The following DPY19L1 variants were observed in gnomAD, a reference collection of about 807,000 sequenced individuals.
DPY19L1 encodes the protein dpy-19 like C-mannosyltransferase 1, also known as protein C-mannosyl-transferase DPY19L1.
In DPY19L1, 35 loss-of-function variants were observed where a neutral mutation model predicts 96.9. That is an observed-to-expected ratio of 0.36 (90% CI 0.28 to 0.48). The LOEUF is 0.48. DPY19L1 is among the 20% of genes least tolerant of loss of function. The pLI is 0.99. For missense variants in DPY19L1, 521 were observed against 777.9 expected, an observed-to-expected ratio of 0.67 and a Z score of 3.93; for synonymous variants, 205 against 252.6, an observed-to-expected ratio of 0.81 and a Z score of 1.79.
intron 1 of DPY19L1, among the ~76,000 whole-genome samples, 187 bp downstream of exon 1, chr7:35,036,910 G>C (rs1044949072): frequency 7.2e-5 from 11 of 151,880 alleles, no homozygotes; most frequent in Admixed American, 3.3e-4. Context: ...AGGGAGTTGC[G>C]GGGAGGAGAA....
chr7:35,017,697 A>T (rs968060397), intron 3 of DPY19L1, among the ~76,000 whole-genome samples, 185 bp downstream of exon 3: 5 of 151,816 alleles, frequency 3.3e-5, no homozygotes, highest in Admixed American at 3.3e-4. Flanking sequence ...AAATAAAAAT[A>T]AAAAATAAAA....
rs189366944 is a variant in DPY19L1, at chr7:35,034,887, A to G, written c.298+2210T>C. ...CCAAACAGCTATTTTAAAGTCCCAC[A>G]TTGAAATACTGTATAATGTCAGCTC... On this transcript the variant is annotated intron_variant, in intron 1 of 21. Transcript: ENST00000638088. 2.6e-3 allele frequency among the ~76,000 whole-genome samples: 398 copies of G among 152,352 alleles called. 6 individuals carry two copies. The highest frequency in any genetic ancestry group is 7.3e-4 in the Non-Finnish European group (50 of 68,030).
In DPY19L1 at chr7:34,941,782, G is replaced by A. The variant is rs1476355838; in HGVS notation, c.1672C>T (p.Leu558=). 2.5e-6 allele frequency: 4 copies of A among 1,599,960 alleles called. No individual in the cohort carries two copies. The highest frequency in any genetic ancestry group is 3.4e-6 in the Non-Finnish European group (4 of 1,176,546). ...CATGTTACCTGTCTTGAGCAGATCA[G>A]TGATGCCATAACACACATGTGTGGT... ...LTPHMCVMAS[L]ICSRQLFGWL... is the part of the protein sequence containing the mutation. Residue 558 remains leucine, a synonymous_variant, in exon 18 of 22, where the codon CTG becomes TTG. Coordinates refer to ENST00000638088, the MANE Select transcript of DPY19L1 (RefSeq NM_001366673.1).
At chr7:34,951,635 T>C (rs1784268102) in intron 13 of DPY19L1, among the ~76,000 whole-genome samples, 1 of 151,826 alleles carries the variant, frequency 6.6e-6, no homozygotes, top group Non-Finnish European at 1.5e-5. Context: ...GTATTTCCCT[T>C]GGGCATCAGA....
intron 11 of DPY19L1, among the ~76,000 whole-genome samples, chr7:34,957,726 G>C (rs1374054723): frequency 6.6e-6 from 1 of 152,112 alleles, no homozygotes; most frequent in African/African-American, 2.4e-5. Flanking sequence ...TCAAAAAGTG[G>C]AGCAGGAGTA....
rs1784130363 is a variant in DPY19L1, at chr7:34,945,697, C to A, written c.1514G>T (p.Gly505Val). ...IVRKIISDMW[G>V]VLAKQQTHVR... ...ATGTGTCTGTTGTTTAGCTAAGACA[C>A]CCCACATATCACTAATAATCTGTAA... is the stretch of plus-strand genomic sequence containing the variant. Residue 505 changes from glycine to valine, a missense_variant, in exon 16 of 22, where the codon GGT (glycine) becomes GTT (valine). Gly to Val is a moderately radical substitution (Grantham distance 109). Coordinates refer to ENST00000638088, the MANE Select transcript of DPY19L1 (RefSeq NM_001366673.1). The A allele has an allele frequency of 6.2e-7, 1 of 1,601,048 alleles. No individual in the cohort carries two copies. Among genetic ancestry groups the A allele is most frequent in the Non-Finnish European group, 8.5e-7 (1 of 1,173,372 alleles).
At chr7:34,953,372 T>C (rs1417627564) in intron 13 of DPY19L1, among the ~76,000 whole-genome samples, 1 of 152,204 alleles carries the variant, frequency 6.6e-6, no homozygotes, top group African/African-American at 2.4e-5. Flanking sequence ...CCTGAATTAA[T>C]ACCTTAACTG....
At chr7:34,976,634 A>G (rs984493633) in intron 7 of DPY19L1, among the ~76,000 whole-genome samples, 1 of 152,252 alleles carries the variant, frequency 6.6e-6, no homozygotes, top group Non-Finnish European at 1.5e-5. Flanking sequence ...GAAAGAAAGA[A>G]TCAATCAATA....
intron 6 of DPY19L1, among the ~76,000 whole-genome samples, chr7:35,000,872 A>G (rs1332377965): frequency 6.6e-6 from 1 of 152,208 alleles, no homozygotes. Context: ...TTTTTTCTTC[A>G]TTATGCAGGA....
At chr7:34,937,238 C>T (rs990908893) in intron 21 of DPY19L1, among the ~76,000 whole-genome samples, 10 of 152,186 alleles carry the variant, frequency 6.6e-5, no homozygotes, top group African/African-American at 2.4e-4. Flanking sequence ...GAAAGTGGGT[C>T]ACAGTAGAGT....
At chr7:35,013,008 A>G (rs1785751755) in intron 4 of DPY19L1, among the ~76,000 whole-genome samples, 1 of 152,330 alleles carries the variant, frequency 6.6e-6, no homozygotes, top group Middle Eastern at 3.4e-3. Context: ...TGTCTATCCA[A>G]TTAACAAAGA....
chr7:34,968,850 C>G (rs979905182), intron 9 of DPY19L1, among the ~76,000 whole-genome samples: 3 of 140,620 alleles, frequency 2.1e-5, no homozygotes, highest in Non-Finnish European at 4.6e-5. Flanking sequence ...AAAAATAGTA[C>G]GCAGGGAGAA....
intron 7 of DPY19L1, 31 bp from the exon 8 acceptor site, chr7:34,973,636 T>G (rs757095318): frequency 1.6e-6 from 2 of 1,248,140 alleles, no homozygotes; most frequent in Non-Finnish European, 2.1e-6. Flanking sequence ...TATAGTATAC[T>G]TGCTAAATTT....
At chr7:34,960,435 TTCA>T (rs1232698212) in intron 10 of DPY19L1, among the ~76,000 whole-genome samples, 2 of 152,274 alleles carry the variant, frequency 1.3e-5, no homozygotes, top group East Asian at 1.9e-4. Context: ...ATCAAGAATC[TTCA>T]TATTTTGATT....
chr7:34,963,193 CAAAAAAAAAAAA>C (rs58387078), intron 10 of DPY19L1, among the ~76,000 whole-genome samples: 1 of 78,804 alleles, frequency 1.3e-5, no homozygotes, highest in Non-Finnish European at 2.3e-5. Flanking sequence ...AGATCTGTCT[CAAAAAAAAAAAA>C]AAAAAAAAAA....
upstream of DPY19L1, chr7:35,037,733 A>G: frequency 1.1e-6 from 1 of 870,082 alleles, no homozygotes; most frequent in Non-Finnish European, 1.4e-6. Context: ...TCTGCGCCGG[A>G]CGCGCGCTCC....
rs752648177 is a variant in DPY19L1, at chr7:34,940,203, T to C, written c.1814A>G (p.Asn605Ser). ...TQWNIVGEFSNLPQEELIEWI... is the reference protein window; with the variant it reads ...TQWNIVGEFSSLPQEELIEWI... ...TTCTATAAGTTCTTCTTGGGGCAAA[T>C]TGCTGAACTCCCCTACAATATTCCA... Residue 605 changes from asparagine to serine, a missense_variant, in exon 19 of 22, where the codon AAT (asparagine) becomes AGT (serine). Coordinates refer to ENST00000638088, the MANE Select transcript of DPY19L1 (RefSeq NM_001366673.1). 1.9e-6 allele frequency: 3 copies of C among 1,607,512 alleles called. No homozygotes were observed. The highest frequency in any genetic ancestry group is 1.1e-5 in the South Asian group (1 of 90,332).
intron 21 of DPY19L1, among the ~76,000 whole-genome samples, chr7:34,932,478 T>C (rs994044900): frequency 5.3e-5 from 8 of 152,206 alleles, no homozygotes; most frequent in Admixed American, 5.2e-4. Context: ...AATGGTTGTA[T>C]GGGTATTTGA....
At chr7:34,966,384 A>G (rs993843513) in intron 10 of DPY19L1, among the ~76,000 whole-genome samples, 7 of 151,872 alleles carry the variant, frequency 4.6e-5, no homozygotes, top group African/African-American at 1.7e-4. Context: ...TGCAGTCTCA[A>G]CCTCCTGGGC....
Sources: allele counts gnomAD v4.1 joint callset (sites outside exome capture counted in the v4.1 genomes callset), GRCh38; gene constraint gnomAD v4.1.1; transcripts MANE v1.5; gene names NCBI Gene and HGNC (gene_info 2026-07-23, HGNC 2026-07-21).